Variants in PPFIBP2 observed in about 807,000 individuals in gnomAD.
PPFIBP2 encodes the protein PPFIB scaffold protein 2, also known as liprin-beta-2.
In PPFIBP2, 118 loss-of-function variants were observed where a neutral mutation model predicts 118.3. The observed-to-expected ratio is 1.00, with a 90% CI of 0.86 to 1.16. The LOEUF (loss-of-function observed/expected upper bound fraction) is 1.16, where lower values mean the gene tolerates loss of function less well. Among genes scored for constraint, PPFIBP2 ranks in the 50% most tolerant of loss-of-function variants. The pLI is 0.00. For synonymous variants in PPFIBP2, 414 were observed against 397.4 expected (o/e 1.04, Z -0.50); for missense variants, 1,195 against 1,073.1 (o/e 1.11, Z -1.59).
chr11:7,536,047 C>G (rs1852815087), intron 1 of PPFIBP2, among the ~76,000 whole-genome samples: 1 of 152,240 alleles, frequency 6.6e-6, no homozygotes, highest in Non-Finnish European at 1.5e-5. Context: ...AAGCGCTTTA[C>G]TCTGTTAACA....
At chr11:7,603,691 G>GA (rs1458665680) in intron 5 of PPFIBP2, among the ~76,000 whole-genome samples, 1 of 152,134 alleles carries the variant, frequency 6.6e-6, no homozygotes, top group Admixed American at 6.5e-5. Context: ...CTGAGTTTTG[G>GA]AAAAAGGAAA....
intron 3 of PPFIBP2, chr11:7,577,316 TGTGC>T (rs1856498296): frequency 3.8e-6 from 1 of 262,366 alleles, no homozygotes; most frequent in South Asian, 3.1e-5. Flanking sequence ...CGTGCATGTA[TGTGC>T]GTGTGTGTGT....
At chr11:7,576,608 C>T (rs559392375) in intron 3 of PPFIBP2, 1 of 152,634 alleles carries the variant, frequency 6.6e-6, no homozygotes, top group South Asian at 2.1e-4. Context: ...ACCTTTCCAC[C>T]TCCTTGGTTT....
At chr11:7,562,332 A>G (rs1023093450) in intron 2 of PPFIBP2, among the ~76,000 whole-genome samples, 3 of 152,182 alleles carry the variant, frequency 2.0e-5, no homozygotes, top group Non-Finnish European at 2.9e-5. Flanking sequence ...AGGTAGCCAT[A>G]TTTCCTCACT....
chr11:7,574,695 G>A (rs544227797), intron 3 of PPFIBP2, among the ~76,000 whole-genome samples: 144 of 152,222 alleles, frequency 9.5e-4, no homozygotes, highest in Non-Finnish European at 1.5e-3. Flanking sequence ...AGGGAGCCAC[G>A]ACAGGGACCC....
chr11:7,656,887 C>G, downstream of PPFIBP2: 2 of 986,566 alleles, frequency 2.0e-6, no homozygotes, highest in Non-Finnish European at 2.8e-6. Context: ...GCCCCCTCTG[C>G]AAGCCCAGTC....
At chr11:7,634,173 C>A (rs576219544) in intron 12 of PPFIBP2, among the ~76,000 whole-genome samples, 4 of 152,316 alleles carry the variant, frequency 2.6e-5, no homozygotes, top group Admixed American at 2.6e-4. Flanking sequence ...ACACTGTAGA[C>A]CTTGGCCTTT....
At chr11:7,537,436 C>T (rs1305233437) in intron 1 of PPFIBP2, among the ~76,000 whole-genome samples, 2 of 152,170 alleles carry the variant, frequency 1.3e-5, no homozygotes, top group Non-Finnish European at 2.9e-5. Context: ...TGCACAGGCT[C>T]GAAATAATTC....
At chr11:7,526,087 T>C (rs559563673) in intron 1 of PPFIBP2, among the ~76,000 whole-genome samples, 1 of 152,312 alleles carries the variant, frequency 6.6e-6, no homozygotes, top group South Asian at 2.1e-4. Context: ...GCCAAACCGC[T>C]GTTTTAGAGC....
At chr11:7,640,867 C>A (rs1035465829) in intron 15 of PPFIBP2, among the ~76,000 whole-genome samples, 2 of 152,218 alleles carry the variant, frequency 1.3e-5, no homozygotes, top group African/African-American at 4.8e-5. Flanking sequence ...AGTCACCACT[C>A]ACCCCCTCCT....
At chr11:7,538,809 C>T (rs1590161094) in intron 1 of PPFIBP2, among the ~76,000 whole-genome samples, 2 of 152,256 alleles carry the variant, frequency 1.3e-5, no homozygotes, top group Admixed American at 1.3e-4. Context: ...CCTGCCACCA[C>T]CCAGCACTGC....
At chr11:7,630,367 A>G (rs955269180) in intron 10 of PPFIBP2, among the ~76,000 whole-genome samples, 5 of 152,190 alleles carry the variant, frequency 3.3e-5, no homozygotes, top group Non-Finnish European at 7.4e-5. Context: ...GTTGGAGTGC[A>G]GTGGCACAAT....
intron 8 of PPFIBP2, among the ~76,000 whole-genome samples, chr11:7,627,719 T>C (rs1230976000): frequency 6.6e-6 from 1 of 152,250 alleles, no homozygotes; most frequent in Non-Finnish European, 1.5e-5. Flanking sequence ...TTGTTTATCC[T>C]CAACCCAGCA....
intron 2 of PPFIBP2, among the ~76,000 whole-genome samples, chr11:7,554,627 C>T (rs555019895): frequency 6.6e-6 from 1 of 151,958 alleles, no homozygotes; most frequent in Non-Finnish European, 1.5e-5. Flanking sequence ...TCCAGAGCCA[C>T]GGTGCGATGG....
At chr11:7,624,511 C>T (rs150081726) in intron 7 of PPFIBP2, among the ~76,000 whole-genome samples, 1 of 152,100 alleles carries the variant, frequency 6.6e-6, no homozygotes, top group African/African-American at 2.4e-5. Context: ...TTAACTTGGG[C>T]CTTTGTGGAA....
At chr11:7,636,410 G>T (rs1417658421) in intron 14 of PPFIBP2, among the ~76,000 whole-genome samples, 1 of 152,148 alleles carries the variant, frequency 6.6e-6, no homozygotes, top group Non-Finnish European at 1.5e-5. Context: ...TTCTTCAAGT[G>T]GGCAGCCATT....
intron 1 of PPFIBP2, among the ~76,000 whole-genome samples, chr11:7,515,050 A>G (rs1008144684): frequency 2.0e-5 from 3 of 152,210 alleles, no homozygotes; most frequent in African/African-American, 7.2e-5. Flanking sequence ...AACTACAGAA[A>G]AGTAGTTGGT....
At position 7,616,679 on chromosome 11, in the gene PPFIBP2, G is replaced by A. The variant is rs944512695; in HGVS notation, c.619-4256G>A. Among the ~76,000 whole-genome samples the A allele has an allele frequency of 1.3e-5, 2 of 152,136 alleles. No individual in the cohort carries two copies. The highest frequency in any genetic ancestry group is 2.1e-4 in the South Asian group (1 of 4,826). On this transcript the variant is annotated intron_variant, in intron 6 of 23. Transcript: ENST00000299492. This position sits in a 1 kb window ranked among gnomAD's most constrained non-coding sequence, Gnocchi z 5.2. ...TGGATAAGTGTGATGTGTGCCATATGTCCCCTGTGCATAGGTGCTGACACG... is the reference window on the plus strand; with the variant it reads ...TGGATAAGTGTGATGTGTGCCATATATCCCCTGTGCATAGGTGCTGACACG...
At chr11:7,641,864 A>G (rs1852245528) in intron 16 of PPFIBP2, 1 of 531,944 alleles carries the variant, frequency 1.9e-6, no homozygotes, top group East Asian at 3.3e-5. Flanking sequence ...CCCATTCCAC[A>G]CACCCTGAAC....
Sources: allele counts gnomAD v4.1 joint callset (sites outside exome capture counted in the v4.1 genomes callset), GRCh38; gene constraint gnomAD v4.1.1; non-coding constraint Gnocchi (gnomAD v3.1); transcripts MANE v1.5; gene names NCBI Gene and HGNC (gene_info 2026-07-23, HGNC 2026-07-21).